The following CFTR variants were observed in gnomAD, a reference collection of about 807,000 sequenced individuals.
CFTR encodes CF transmembrane conductance regulator, also known as cystic fibrosis transmembrane conductance regulator.
In CFTR, 181 loss-of-function variants were observed where a neutral mutation model predicts 171.6. That is an observed-to-expected ratio of 1.05 (90% CI 0.93 to 1.19). The LOEUF is 1.19. Ranked by LOEUF, CFTR falls within the 50% of genes most tolerant of loss-of-function variation. The pLI is 0.00. For missense variants in CFTR, 1,968 were observed against 1,734.7 expected (o/e 1.13, Z -2.39); for synonymous variants, 583 against 608.0 (o/e 0.96, Z 0.60).
At chr7:117,567,631 C>A (rs1791623214) in intron 11 of CFTR, among the ~76,000 whole-genome samples, 1 of 152,132 alleles carries the variant, frequency 6.6e-6, no homozygotes, top group Non-Finnish European at 1.5e-5. Flanking sequence ...AGGGATGTTG[C>A]CTGCAAGTAT....
chr7:117,504,218 C>G, intron 1 of CFTR, 35 bp from the exon 2 acceptor site: 1 of 1,252,122 alleles, frequency 8.0e-7, no homozygotes, highest in Non-Finnish European at 1.2e-6. Context: ...GAGACCAAAT[C>G]AAGTGAATAT....
intron 15 of CFTR, among the ~76,000 whole-genome samples, chr7:117,600,726 T>C (rs934939843): frequency 6.6e-6 from 1 of 152,060 alleles, no homozygotes; most frequent in Non-Finnish European, 1.5e-5. Context: ...ATGGAATGAT[T>C]CTTAAAGCCC....
chr7:117,595,264 G>T (rs1792102687), intron 15 of CFTR, among the ~76,000 whole-genome samples: 1 of 150,898 alleles, frequency 6.6e-6, no homozygotes, highest in Admixed American at 6.6e-5. Context: ...TAATGGTATA[G>T]ATTCATATAG....
chr7:117,650,934 G>C (rs1251575414), intron 23 of CFTR, among the ~76,000 whole-genome samples: 1 of 152,098 alleles, frequency 6.6e-6, no homozygotes, highest in Non-Finnish European at 1.5e-5. Flanking sequence ...TGAGGAGCAC[G>C]GGTTTAGAGA....
rs75832262 is a variant in CFTR, at chr7:117,490,091, T to C, written c.53+9944T>C. Among the ~76,000 whole-genome samples, 1,108 of 152,108 alleles carry C rather than the reference T, an allele frequency of 7.3e-3. 4 individuals are homozygous for C. The highest frequency in any genetic ancestry group is 0.027 in the Middle Eastern group (8 of 294). On this transcript the variant is annotated intron_variant, in intron 1 of 26. Coordinates refer to ENST00000003084, the MANE Select transcript of CFTR (RefSeq NM_000492.4). ...AGCAATATATGATGGAAGAAGCATG[T>C]ACTTTGGAATCAGACAGACCTGGCT...
intron 16 of CFTR, among the ~76,000 whole-genome samples, chr7:117,603,243 G>GT (rs1325357179): frequency 6.6e-6 from 1 of 152,124 alleles, no homozygotes; most frequent in Non-Finnish European, 1.5e-5. Context: ...AAAGAATATA[G>GT]TTCTGTTCAG....
At chr7:117,595,205 CTATATGTA>C (rs1334352462) in intron 15 of CFTR, 147 bp downstream of exon 15, 14 of 608,326 alleles carry the variant, frequency 2.3e-5, no homozygotes, top group African/African-American at 3.7e-5. Context: ...ACATATATCA[CTATATGTA>C]TATATGTATA....
rs966800014 is a variant in CFTR, at chr7:117,561,482, C to T, written c.1584+1827C>T. 5.9e-5 allele frequency among the ~76,000 whole-genome samples: 9 copies of T among 152,148 alleles called. No individual in the cohort carries two copies. The South Asian group carries it at 1.9e-3, about 32-fold the overall frequency. On this transcript the variant is annotated intron_variant, in intron 11 of 26. Coordinates refer to ENST00000003084, the MANE Select transcript of CFTR (RefSeq NM_000492.4). ...ACCGTTCCTTTGTAGCTAAGTCTCC[C>T]CCATTCCAGCTTTAAACAATCACCC...
chr7:117,544,900 C>T (rs952738782), intron 9 of CFTR, among the ~76,000 whole-genome samples: 7 of 152,152 alleles, frequency 4.6e-5, no homozygotes, highest in African/African-American at 1.4e-4. Flanking sequence ...TTCAGTGAAC[C>T]GTTCTTTCCA....
At chr7:117,520,873 C>T (rs149489885) in intron 3 of CFTR, among the ~76,000 whole-genome samples, 15 of 151,926 alleles carry the variant, frequency 9.9e-5, no homozygotes, top group South Asian at 6.2e-4. Flanking sequence ...CCTACTCTTA[C>T]GGTGCTAAAA....
intron 1 of CFTR, among the ~76,000 whole-genome samples, chr7:117,484,265 AG>A (rs1798038833): frequency 1.3e-5 from 2 of 152,246 alleles, no homozygotes; most frequent in Non-Finnish European, 2.9e-5. Flanking sequence ...AAAATAAAAT[AG>A]ATGCATAAAA....
In CFTR at chr7:117,667,964, A is replaced by G. The variant is rs1159886443; in HGVS notation, c.*856A>G. On this transcript the variant is annotated 3_prime_UTR_variant, in exon 27 of 27. Coordinates refer to ENST00000003084, the MANE Select transcript of CFTR (RefSeq NM_000492.4). ...TTAGCTGGAAAAGTATGTTAGTGCAAATTGTCACAGGACAGCCCTTCTTTC... is the reference window on the plus strand; with the variant it reads ...TTAGCTGGAAAAGTATGTTAGTGCAGATTGTCACAGGACAGCCCTTCTTTC... 1 of 152,290 alleles carries G rather than the reference A, an allele frequency of 6.6e-6. No homozygotes were observed. Among genetic ancestry groups the G allele is most frequent in the African/African-American group, 2.4e-5 (1 of 41,444 alleles). The allele number at this position is 152,290 out of a possible 1,614,324, so 9.4% of individuals were successfully genotyped here. A position where few individuals can be genotyped will look rare whatever the true frequency, so the allele number is the denominator to read the frequency against.
chr7:117,597,851 G>C (rs1282015046), intron 15 of CFTR, among the ~76,000 whole-genome samples: 2 of 151,376 alleles, frequency 1.3e-5, no homozygotes, highest in Admixed American at 6.6e-5. Context: ...AATGAAAATT[G>C]CATGGTAGGC....
chr7:117,499,144 C>T lies in CFTR; in HGVS notation c.54-5109C>T, dbSNP rs1229842840. 3.9e-5 allele frequency among the ~76,000 whole-genome samples: 6 copies of T among 152,030 alleles called. No homozygotes were observed. In the East Asian group the frequency reaches 7.7e-4, roughly 20 times the overall value. ...TACATGGAAGCATGATTGTTTTCTA[C>T]ACTAAAAATCATTTTGACTTGAAAA... On this transcript the variant is annotated intron_variant, in intron 1 of 26. Coordinates refer to ENST00000003084, the MANE Select transcript of CFTR (RefSeq NM_000492.4).
At chr7:117,486,642 G>A (rs1479427039) in intron 1 of CFTR, among the ~76,000 whole-genome samples, 1 of 151,962 alleles carries the variant, frequency 6.6e-6, no homozygotes, top group Non-Finnish European at 1.5e-5. Context: ...AGTTCCCTAT[G>A]ACGGGAACAT....
At chr7:117,654,729 A>C (rs1437969190) in intron 24 of CFTR, among the ~76,000 whole-genome samples, 6 of 152,194 alleles carry the variant, frequency 3.9e-5, no homozygotes, top group Non-Finnish European at 7.3e-5. Flanking sequence ...ACTGTGAGTC[A>C]ATTAAACCTC....
At chr7:117,511,103 GTAACCAGC>G (rs1798510802) in intron 3 of CFTR, among the ~76,000 whole-genome samples, 1 of 152,096 alleles carries the variant, frequency 6.6e-6, no homozygotes, top group Admixed American at 6.6e-5. Context: ...GGTGACTCTA[GTAACCAGC>G]CTTGGTTCTG....
At chr7:117,521,880 G>A (rs1798690984) in intron 3 of CFTR, among the ~76,000 whole-genome samples, 3 of 152,022 alleles carry the variant, frequency 2.0e-5, no homozygotes, top group Non-Finnish European at 4.4e-5. Flanking sequence ...TCTAGAAAAA[G>A]CAGACTTTCC....
chr7:117,507,657 T>C (rs1290148455), intron 2 of CFTR, among the ~76,000 whole-genome samples: 2 of 152,128 alleles, frequency 1.3e-5, no homozygotes, highest in Non-Finnish European at 2.9e-5. Flanking sequence ...GGGAAATAGA[T>C]GGGAAAAGGT....
Sources: allele counts gnomAD v4.1 joint callset (sites outside exome capture counted in the v4.1 genomes callset), GRCh38; gene constraint gnomAD v4.1.1; transcripts MANE v1.5; gene names NCBI Gene and HGNC (gene_info 2026-07-23, HGNC 2026-07-21).